The following FMN1 variants were observed in gnomAD, a reference collection of about 807,000 sequenced individuals.
FMN1 encodes the protein formin 1, also known as formin-1.
FMN1 carries 110 observed loss-of-function variants against 132.4 expected under a neutral mutation model. The observed-to-expected ratio is 0.83, with a 90% CI of 0.71 to 0.97. The LOEUF (loss-of-function observed/expected upper bound fraction) is 0.97, where lower values mean the gene tolerates loss of function less well. FMN1 is among the 50% of genes least tolerant of loss of function. The pLI is 0.00. For synonymous variants in FMN1, 722 were observed against 651.7 expected, an observed-to-expected ratio of 1.11 and a Z score of -1.64; for missense variants, 1,792 against 1,705.3, an observed-to-expected ratio of 1.05 and a Z score of -0.90.
intron 7 of FMN1, among the ~76,000 whole-genome samples, chr15:32,998,448 G>A (rs568926359): frequency 6.6e-6 from 1 of 152,192 alleles, no homozygotes; most frequent in African/African-American, 2.4e-5. Flanking sequence ...GAACTTTGAA[G>A]CTAGAAGGAA....
At position 33,154,379 on chromosome 15, in the gene FMN1, C is replaced by T. The variant is rs1429534168; in HGVS notation, c.536G>A (p.Arg179Lys). 1 of 1,536,080 alleles carries T rather than the reference C, an allele frequency of 6.5e-7. No individual in the cohort carries two copies. The highest frequency in any genetic ancestry group is 1.4e-5 in the African/African-American group (1 of 73,054). The change falls in exon 4 of 21, where the codon AGA becomes AAA. Residue 179 changes from arginine to lysine, a missense_variant. Physicochemically the swap from Arg to Lys is conservative, Grantham distance 26 (BLOSUM62 2). This residue lies in a region of FMN1 where 638 missense variants were observed against 645.2 expected (regional missense o/e 0.99). Transcript: ENST00000616417. ...TGATTCTCGGCCTCCACGCCCTTTT[C>T]TTTTGGTCCTCTTCTGTGGAAGGGC... ...FGALPQKRTKRKGRGGRESAP... is the reference protein window; with the variant it reads ...FGALPQKRTKKKGRGGRESAP...
At position 32,968,858 on chromosome 15, in the gene FMN1, G is replaced by C; in HGVS notation, c.2843C>G (p.Pro948Arg). The C allele has an allele frequency of 1.3e-6, 2 of 1,516,034 alleles. No individual in the cohort carries two copies. The highest frequency in any genetic ancestry group is 1.2e-5 in the South Asian group (1 of 86,564). The allele number at this position is 1,516,034 out of a possible 1,614,324, so 93.9% of individuals were successfully genotyped here. A position where few individuals can be genotyped will look rare whatever the true frequency, so the allele number is the denominator to read the frequency against. The change falls in exon 8 of 21, where the codon CCC becomes CGC. Residue 948 changes from proline (P) to arginine (R), a missense_variant. This residue lies in a region of FMN1 where 1,150 missense variants were observed against 1,043.1 expected (regional missense o/e 1.10). Coordinates refer to ENST00000616417, the MANE Select transcript of FMN1 (RefSeq NM_001277313.2). ...GGGAGGTGGGGGTGCAAGTCCTGGG[G>C]GTGGTGGAGCAGGAGGAGGCCCTCC... ...NPGGPPPAPP[P>R]PGLAPPPPPG...
At chr15:32,998,818 A>G (rs1333330644) in intron 7 of FMN1, among the ~76,000 whole-genome samples, 1 of 152,238 alleles carries the variant, frequency 6.6e-6, no homozygotes, top group Non-Finnish European at 1.5e-5. Context: ...TAAAACCATC[A>G]TTGGCCCCCA....
intron 7 of FMN1, among the ~76,000 whole-genome samples, chr15:32,983,480 T>C (rs1356944394): frequency 6.6e-6 from 1 of 152,190 alleles, no homozygotes; most frequent in Non-Finnish European, 1.5e-5. Context: ...GATGGTACAC[T>C]TAGAACAGCA....
intron 5 of FMN1, among the ~76,000 whole-genome samples, chr15:33,088,492 C>CT (rs1299567608): frequency 6.6e-6 from 1 of 152,160 alleles, no homozygotes; most frequent in African/African-American, 2.4e-5. Flanking sequence ...TAAGAAGTGA[C>CT]TAGCAACCAG....
intron 5 of FMN1, among the ~76,000 whole-genome samples, chr15:33,087,227 T>C (rs147071085): frequency 1.4e-3 from 207 of 152,262 alleles, no homozygotes; most frequent in African/African-American, 4.8e-3. Context: ...AATACTTCTG[T>C]GTCAATGAAA....
At chr15:32,988,511 T>A (rs1566796126) in intron 7 of FMN1, among the ~76,000 whole-genome samples, 1 of 152,324 alleles carries the variant, frequency 6.6e-6, no homozygotes, top group Middle Eastern at 3.4e-3. Context: ...AGTTGAGTGA[T>A]GGTTTTTCTG....
At chr15:32,815,608 A>T (rs2058036933) in intron 17 of FMN1, among the ~76,000 whole-genome samples, 1 of 152,242 alleles carries the variant, frequency 6.6e-6, no homozygotes, top group South Asian at 2.1e-4. Flanking sequence ...GTTAAACAAT[A>T]ATAGGAGACT....
intron 12 of FMN1, among the ~76,000 whole-genome samples, chr15:32,904,764 C>G (rs984106046): frequency 2.1e-4 from 32 of 152,174 alleles, no homozygotes; most frequent in Non-Finnish European, 2.8e-4. Flanking sequence ...AACAGCCATG[C>G]AAGGAGCACC....
rs1487214806 is a variant in FMN1 at position 32,968,839 on chromosome 15, T to G, written c.2862A>C (p.Pro954=). ...GTCCAAAGAAGAGTCCAGGGGGAGG[T>G]GGGGGTGCAAGTCCTGGGGGTGGTG... ...PAPPPPGLAP[P]PPPGLFFGLG... The change falls in exon 8 of 21, where the codon CCA becomes CCC. Residue 954 remains proline (P), a synonymous_variant. Transcript: ENST00000616417. 3.8e-5 allele frequency: 39 copies of G among 1,019,014 alleles called. No individual in the cohort carries two copies. The African/African-American group carries it at 3.9e-4, about 10-fold the overall frequency. The allele number at this position is 1,019,014 out of a possible 1,614,324, so 63.1% of individuals were successfully genotyped here.
chr15:32,888,585 CTCCACTCCCATGAAAA>C (rs941374780), intron 15 of FMN1, among the ~76,000 whole-genome samples: 2 of 152,202 alleles, frequency 1.3e-5, no homozygotes, highest in Non-Finnish European at 1.5e-5. Context: ...ATCTTGGACA[CTCCACTCCCATGAAAA>C]ATGGAAGAGG....
chr15:33,123,415 T>G (rs2140184610), intron 4 of FMN1, among the ~76,000 whole-genome samples: 1 of 152,288 alleles, frequency 6.6e-6, no homozygotes, highest in African/African-American at 2.4e-5. Flanking sequence ...TCAAACAATG[T>G]TTGTTGAATG....
Position 33,047,131 on chromosome 15 carries a change from A to G in FMN1, c.2161+17826T>C, listed in dbSNP as rs137889760. ...TTACAATGGCGGTCTGGCTTAGGAA[A>G]TGAGTACTTTCTGGTTAATGTCTGT... On this transcript the variant is annotated intron_variant, in intron 6 of 20. Transcript: ENST00000616417. 2.0e-4 allele frequency among the ~76,000 whole-genome samples: 31 copies of G among 152,312 alleles called. No homozygotes were observed. The East Asian group carries it at 4.8e-3, about 24-fold the overall frequency.
chr15:33,133,439 C>A (rs901854334), intron 4 of FMN1, among the ~76,000 whole-genome samples: 1 of 152,132 alleles, frequency 6.6e-6, no homozygotes, highest in African/African-American at 2.4e-5. Flanking sequence ...CCAAAGAGTA[C>A]GAACAGGGCC....
chr15:32,838,109 T>C (rs1225721364), intron 17 of FMN1, among the ~76,000 whole-genome samples: 2 of 151,892 alleles, frequency 1.3e-5, no homozygotes, highest in East Asian at 1.9e-4. Flanking sequence ...TTCACAACAA[T>C]GTTGGGCAAA....
At chr15:33,020,891 T>C (rs1449870825) in intron 6 of FMN1, among the ~76,000 whole-genome samples, 8 of 152,264 alleles carry the variant, frequency 5.3e-5, no homozygotes, top group Admixed American at 5.2e-4. Context: ...TCATTTTATA[T>C]ATGTTAATGT....
intron 17 of FMN1, among the ~76,000 whole-genome samples, chr15:32,837,739 T>C (rs2058660729): frequency 6.6e-6 from 1 of 152,228 alleles, no homozygotes; most frequent in Non-Finnish European, 1.5e-5. Context: ...TAGACTGGAA[T>C]AGTGTCTGAT....
chr15:33,185,548 T>G (rs1965851764), intron 2 of FMN1, among the ~76,000 whole-genome samples: 1 of 149,588 alleles, frequency 6.7e-6, no homozygotes, highest in Admixed American at 6.6e-5. Flanking sequence ...TTGTAGTAAT[T>G]TTTTTTTAAT....
chr15:32,852,739 A>C (rs902769621), intron 17 of FMN1, among the ~76,000 whole-genome samples: 1 of 152,192 alleles, frequency 6.6e-6, no homozygotes, highest in Non-Finnish European at 1.5e-5. Flanking sequence ...AAAGAGATAT[A>C]CCCCCTGCAA....
Sources: gnomAD v4.1 joint callset for allele counts (sites outside exome capture counted in the v4.1 genomes callset) on GRCh38, gnomAD v4.1.1 for gene constraint, gnomAD v4.1.1 regional missense constraint, MANE v1.5 for transcripts, NCBI Gene and HGNC (gene_info 2026-07-23, HGNC 2026-07-21) for gene names.